Variants in RIC3 observed in about 807,000 individuals in gnomAD.
The protein encoded by RIC3 is protein RIC-3.
RIC3 carries 28 observed loss-of-function variants against 27.3 expected under a neutral mutation model. That is an observed-to-expected ratio of 1.02 (90% CI 0.76 to 1.41). The LOEUF (loss-of-function observed/expected upper bound fraction) is 1.41. Among genes scored for constraint, RIC3 ranks in the 40% most tolerant of loss-of-function variants. The pLI is 0.00. For synonymous variants in RIC3, 184 were observed against 160.4 expected, an observed-to-expected ratio of 1.15 and a Z score of -1.11; for missense variants, 501 against 444.7, an observed-to-expected ratio of 1.13 and a Z score of -1.14.
chr11:8,130,700 T>G (rs988413422), intron 4 of RIC3, among the ~76,000 whole-genome samples: 10 of 152,206 alleles, frequency 6.6e-5, no homozygotes, highest in Non-Finnish European at 1.3e-4. Context: ...GAGTTATTTT[T>G]CTAAAGCACA....
In RIC3 at chr11:8,126,742, C is replaced by A. The variant is rs1294722661; in HGVS notation, c.587G>T (p.Arg196Met). ...RLLHQLREITRVMKEGKFIDR... is the reference protein window; with the variant it reads ...RLLHQLREITMVMKEGKFIDR... ...AATGAATTTTCCTTCTTTCATGACC[C>A]TGGTGATTTCTCGGAGCTGATGTAG... The change falls in exon 5 of 6, where the codon AGG becomes ATG. Residue 196 changes from arginine (R) to methionine (M), a missense_variant. Physicochemically the swap from Arg to Met is moderately conservative, Grantham distance 91. Transcript: ENST00000309737. The A allele has an allele frequency of 6.2e-7, 1 of 1,613,976 alleles. No homozygotes were observed. The highest frequency in any genetic ancestry group is 1.3e-5 in the African/African-American group (1 of 74,908).
rs534385678 is a variant in RIC3 at position 8,130,590 on chromosome 11, T to C, written c.522-3783A>G. ...ATTTTTTTTCTTCCATTAGGTCCCC[T>C]TAACTTGCCCCCACTTTTCCACTCT... On this transcript the variant is annotated intron_variant, in intron 4 of 5. Transcript: ENST00000309737. Among the ~76,000 whole-genome samples the C allele has an allele frequency of 1.4e-4, 22 of 152,292 alleles. No individual in the cohort carries two copies. The South Asian group carries it at 4.4e-3, about 30-fold the overall frequency.
chr11:8,116,574 G>T (rs981608875), intron 5 of RIC3, among the ~76,000 whole-genome samples: 1 of 152,070 alleles, frequency 6.6e-6, no homozygotes, highest in African/African-American at 2.4e-5. Flanking sequence ...CACAGCAAAA[G>T]AAAACCCAAT....
the RIC3 span, among the ~76,000 whole-genome samples, chr11:8,094,771 C>T: frequency 1.3e-5 from 2 of 152,222 alleles, no homozygotes; most frequent in Non-Finnish European, 2.9e-5. Context: ...CTACACACCC[C>T]GTTTCCTCAA....
chr11:8,161,856 G>T (rs1034506242), intron 1 of RIC3, among the ~76,000 whole-genome samples: 2 of 151,900 alleles, frequency 1.3e-5, no homozygotes, highest in South Asian at 4.2e-4. Context: ...CACTTTCTCC[G>T]GGCAATGGAA....
chr11:8,095,752 T>G, the RIC3 span: 5 of 1,394,932 alleles, frequency 3.6e-6, no homozygotes, highest in Non-Finnish European at 4.9e-6. Context: ...GGCCTTCCTG[T>G]GTCCAAACCC....
intron 1 of RIC3, among the ~76,000 whole-genome samples, chr11:8,167,263 C>T (rs1470896102): frequency 6.6e-6 from 1 of 152,092 alleles, no homozygotes; most frequent in Non-Finnish European, 1.5e-5. Context: ...AAAAAACAAA[C>T]AAGTAAACAC....
chr11:8,120,641 C>T (rs948398925), intron 5 of RIC3, among the ~76,000 whole-genome samples: 2 of 151,552 alleles, frequency 1.3e-5, no homozygotes, highest in African/African-American at 2.4e-5. Flanking sequence ...CAAACCTGCA[C>T]GTTGTACACA....
At chr11:8,097,214 C>T in the RIC3 span, 37 of 1,613,600 alleles carry the variant, frequency 2.3e-5, no homozygotes, top group Non-Finnish European at 2.9e-5. Context: ...GGCACCTATT[C>T]TGCATCCCCA....
chr11:8,109,728 TA>T lies in RIC3; in HGVS notation c.*969del, dbSNP rs1945037837. On this transcript the variant is annotated 3_prime_UTR_variant, in exon 6 of 6. Coordinates refer to ENST00000309737, the MANE Select transcript of RIC3 (RefSeq NM_001206671.4). ...AACAGCTTTAGGTAAGGACTGTCCA[TA>T]AGCACACAGATTCTCTCCCCTATTG... 6.6e-6 allele frequency: 1 copy of T among 152,218 alleles called. No homozygotes were observed. The highest frequency in any genetic ancestry group is 2.4e-5 in the African/African-American group (1 of 41,450). The allele number at this position is 152,218 out of a possible 1,614,324, so 9.4% of individuals were successfully genotyped here. A position where few individuals can be genotyped will look rare whatever the true frequency, so the allele number is the denominator to read the frequency against.
At chr11:8,111,322 C>T (rs997557870) in intron 5 of RIC3, among the ~76,000 whole-genome samples, 185 bp from the exon 6 acceptor site, 3 of 152,220 alleles carry the variant, frequency 2.0e-5, no homozygotes, top group Non-Finnish European at 4.4e-5. Context: ...ATCTGGCTAT[C>T]CCAGTGCTCT....
At chr11:8,132,693 A>C (rs957312112) in intron 4 of RIC3, among the ~76,000 whole-genome samples, 7 of 152,222 alleles carry the variant, frequency 4.6e-5, no homozygotes, top group African/African-American at 1.7e-4. Flanking sequence ...CAGAAACTGC[A>C]GAGTTTTCTA....
the RIC3 span, chr11:8,098,789 T>A: frequency 6.2e-7 from 1 of 1,614,156 alleles, no homozygotes; most frequent in Non-Finnish European, 8.5e-7. Context: ...GTTCACTGTT[T>A]ATGACAATGG....
At chr11:8,167,081 GT>G (rs1565150555) in intron 1 of RIC3, among the ~76,000 whole-genome samples, 1 of 152,030 alleles carries the variant, frequency 6.6e-6, no homozygotes, top group Non-Finnish European at 1.5e-5. Context: ...TTTTTCCTAG[GT>G]TATACTACTT....
intron 4 of RIC3, among the ~76,000 whole-genome samples, chr11:8,136,909 A>G (rs1422117153): frequency 6.6e-6 from 1 of 152,242 alleles, no homozygotes; most frequent in East Asian, 1.9e-4. Context: ...TGTGAATGAA[A>G]AATGTTAAAT....
rs761134805 is a variant in RIC3, at chr11:8,110,897, G to A, written c.911C>T (p.Ser304Phe). The A allele has an allele frequency of 1.2e-6, 2 of 1,614,196 alleles. No homozygotes were observed. Among genetic ancestry groups the A allele is most frequent in the South Asian group, 1.1e-5 (1 of 91,066 alleles). The change falls in exon 6 of 6, where the codon TCC becomes TTC. Residue 304 changes from serine to phenylalanine, a missense_variant. By Grantham distance (155) the Ser-to-Phe change is radical (BLOSUM62 -2). Coordinates refer to ENST00000309737, the MANE Select transcript of RIC3 (RefSeq NM_001206671.4). ...ATCCTCGTCTTCATGAAAACAGCAG[G>A]AACATGTTTCTGGCTTTGGATCACA... The part of the protein sequence containing the change: ...TSCDPKPETC[S>F]CCFHEDEDPA...
intron 2 of RIC3, chr11:8,138,680 T>C (rs1355372859): frequency 7.3e-6 from 2 of 275,760 alleles, no homozygotes; most frequent in Non-Finnish European, 1.3e-5. Context: ...CTAGCCATAA[T>C]AAAGAAATCA....
chr11:8,101,409 G>A (rs758555859), downstream of RIC3: 8 of 1,568,472 alleles, frequency 5.1e-6, no homozygotes, highest in Admixed American at 1.2e-4. Context: ...ATGTGGTTTG[G>A]GTGTCTGTCT....
intron 5 of RIC3, among the ~76,000 whole-genome samples, chr11:8,115,849 C>A (rs745853245): frequency 2.3e-4 from 35 of 152,104 alleles, no homozygotes; most frequent in Non-Finnish European, 4.7e-4. Context: ...TTAATACAAT[C>A]CCTATCAAAA....
Sources: allele counts gnomAD v4.1 joint callset (sites outside exome capture counted in the v4.1 genomes callset), GRCh38; gene constraint gnomAD v4.1.1; transcripts MANE v1.5; gene names NCBI Gene and HGNC (gene_info 2026-07-23, HGNC 2026-07-21).